Variants in TFEC observed in about 807,000 individuals in gnomAD.
TFEC encodes class E basic helix-loop-helix protein 34.
TFEC carries 31 observed loss-of-function variants against 41.6 expected under a neutral mutation model. That is an observed-to-expected ratio of 0.74 (90% CI 0.56 to 1.01). The LOEUF (loss-of-function observed/expected upper bound fraction) is 1.01, where lower values mean the gene tolerates loss of function less well. Among genes scored for constraint, TFEC ranks in the 50% least tolerant of loss-of-function variants. TFEC has a pLI of 0.00. For missense variants in TFEC, 402 were observed against 404.1 expected (o/e 0.99, Z 0.04); for synonymous variants, 143 against 140.6 (o/e 1.02, Z -0.12).
intron 5 of TFEC, among the ~76,000 whole-genome samples, chr7:115,953,967 C>T (rs569658379): frequency 1.3e-5 from 2 of 152,196 alleles, no homozygotes; most frequent in South Asian, 4.1e-4. Flanking sequence ...CTCAATTAGT[C>T]AAGCTCACTT....
chr7:115,984,533 C>G lies in TFEC; in HGVS notation c.-72-20G>C. The G allele has an allele frequency of 6.2e-7, 1 of 1,611,194 alleles. No individual in the cohort carries two copies. The highest frequency in any genetic ancestry group is 1.1e-5 in the South Asian group (1 of 90,898). ...TGGGACCTACAAGATCAAAATTAAACAAATACAATGTGCAGCATCAGCTGT... is the reference window on the plus strand; with the variant it reads ...TGGGACCTACAAGATCAAAATTAAAGAAATACAATGTGCAGCATCAGCTGT... On this transcript the variant is annotated intron_variant, in intron 1 of 7. Transcript: ENST00000265440.
intron 6 of TFEC, among the ~76,000 whole-genome samples, chr7:115,943,593 G>A (rs568633220): frequency 2.7e-5 from 4 of 149,766 alleles, no homozygotes; most frequent in Admixed American, 1.3e-4. Context: ...AAATTTTAAT[G>A]TACTAGATTC....
intron 1 of TFEC, among the ~76,000 whole-genome samples, chr7:116,005,881 G>A (rs1259429266): frequency 3.3e-5 from 5 of 152,178 alleles, no homozygotes; most frequent in Admixed American, 6.5e-5. Flanking sequence ...TAGAAATTTG[G>A]TGTCCTGTGT....
chr7:116,130,918 A>C (rs951468827), intron 1 of TFEC, among the ~76,000 whole-genome samples: 1 of 152,280 alleles, frequency 6.6e-6, no homozygotes, highest in East Asian at 1.9e-4. Flanking sequence ...AGCTTGCACT[A>C]TATTTCTCAA....
At chr7:115,956,884 G>T in intron 3 of TFEC, 91 bp from the exon 4 acceptor site, 1 of 702,558 alleles carries the variant, frequency 1.4e-6, no homozygotes, top group Non-Finnish European at 2.0e-6. Flanking sequence ...CACTTTAAAT[G>T]TGGCATTTTG....
At chr7:115,982,579 C>T (rs2130662837) in intron 2 of TFEC, among the ~76,000 whole-genome samples, 1 of 152,214 alleles carries the variant, frequency 6.6e-6, no homozygotes, top group Admixed American at 6.5e-5. Context: ...CTCAGTAAAA[C>T]TGTGATTAAA....
chr7:116,018,915 G>A (rs564149984), intron 1 of TFEC, among the ~76,000 whole-genome samples: 4 of 152,220 alleles, frequency 2.6e-5, no homozygotes, highest in Non-Finnish European at 4.4e-5. Context: ...CCTGGAGGCT[G>A]AGCTGATAGG....
chr7:115,990,673 A>T (rs934175585), intron 1 of TFEC, among the ~76,000 whole-genome samples: 5 of 152,186 alleles, frequency 3.3e-5, no homozygotes, highest in Admixed American at 1.3e-4. Context: ...TGAGAAGAGA[A>T]GTTTAGAAAA....
At chr7:116,142,373 C>G (rs1798558848) in intron 1 of TFEC, among the ~76,000 whole-genome samples, 1 of 152,190 alleles carries the variant, frequency 6.6e-6, no homozygotes, top group African/African-American at 2.4e-5. Flanking sequence ...GTAGTGGACA[C>G]ATTTTAGGGA....
chr7:115,985,905 G>C (rs1418688424), intron 1 of TFEC, among the ~76,000 whole-genome samples: 1 of 151,980 alleles, frequency 6.6e-6, no homozygotes, highest in Admixed American at 6.6e-5. Context: ...TATACATTAT[G>C]AAGAACACTT....
chr7:116,006,980 G>T (rs1404587567), intron 1 of TFEC, among the ~76,000 whole-genome samples: 1 of 152,076 alleles, frequency 6.6e-6, no homozygotes, highest in African/African-American at 2.4e-5. Context: ...CACCATGATT[G>T]TGAGGCCTCC....
In TFEC at chr7:116,009,233, C is replaced by T. The variant is rs544487420; in HGVS notation, c.-73+21400G>A. Among the ~76,000 whole-genome samples the T allele has an allele frequency of 5.3e-5, 8 of 152,102 alleles. No individual in the cohort carries two copies. In the South Asian group the frequency reaches 1.7e-3, roughly 32 times the overall value. On this transcript the variant is annotated intron_variant, in intron 1 of 7. Coordinates refer to ENST00000265440, the MANE Select transcript of TFEC (RefSeq NM_012252.4). ...ATAACCATGGTTTGTTTAGGCTGAT[C>T]CATTTTTTAAAAGTATGAGTAATTT...
chr7:116,081,129 A>G (rs1797080641), intron 3 of TFEC, among the ~76,000 whole-genome samples: 1 of 151,966 alleles, frequency 6.6e-6, no homozygotes, highest in Non-Finnish European at 1.5e-5. Context: ...AGAATACCAA[A>G]CATCATATGT....
In TFEC at chr7:116,113,185, C is replaced by T. The variant is rs946991172; in HGVS notation, c.-68-1147G>A. On this transcript the variant is annotated intron_variant, in intron 1 of 8. Coordinates refer to the TFEC transcript ENST00000484212. ...CCCCCACTGCCACAATAAGTACTAA[C>T]TCCTAGTACCTGTAAATATGAACTT... Among the ~76,000 whole-genome samples, 4 of 152,068 alleles carry T rather than the reference C, an allele frequency of 2.6e-5. No individual in the cohort carries two copies. The East Asian group carries it at 7.7e-4, about 29-fold the overall frequency.
At chr7:115,950,416 T>C (rs140720943) in intron 6 of TFEC, among the ~76,000 whole-genome samples, 2,550 of 152,276 alleles carry the variant, frequency 0.017, 49 homozygotes, top group African/African-American at 0.055. Context: ...TCAGCATCAA[T>C]CAATATGCTT....
At chr7:116,110,567 T>A in intron 3 of TFEC, 1 of 494,184 alleles carries the variant, frequency 2.0e-6, no homozygotes, top group Non-Finnish European at 3.3e-6. Context: ...ATCCACTTAC[T>A]GGAAATTGGG....
chr7:116,104,913 G>T (rs972089167), intron 3 of TFEC, among the ~76,000 whole-genome samples: 1 of 152,120 alleles, frequency 6.6e-6, no homozygotes, highest in East Asian at 1.9e-4. Flanking sequence ...TAGAAAATGA[G>T]ATCTAAACAT....
chr7:115,960,601 A>T (rs1449853572), intron 3 of TFEC, among the ~76,000 whole-genome samples: 1 of 151,654 alleles, frequency 6.6e-6, no homozygotes, highest in Non-Finnish European at 1.5e-5. Context: ...AAAGGATGTG[A>T]AAGTGGTAAG....
upstream of TFEC, among the ~76,000 whole-genome samples, chr7:116,032,616 G>A (rs540239762): frequency 1.3e-3 from 194 of 152,230 alleles, 1 homozygote; most frequent in Admixed American, 1.2e-3. Flanking sequence ...TCTCTTATAA[G>A]TGGGAGCTAA....
Sources: gnomAD v4.1 joint callset for allele counts (sites outside exome capture counted in the v4.1 genomes callset) on GRCh38, gnomAD v4.1.1 for gene constraint, MANE v1.5 for transcripts, NCBI Gene and HGNC (gene_info 2026-07-23, HGNC 2026-07-21) for gene names.